ZNF512: variants seen among roughly 807,000 people sequenced by gnomAD.
The protein encoded by ZNF512 is zinc finger protein 512.
In ZNF512, 25 loss-of-function variants were observed where a neutral mutation model predicts 77.5. That is an observed-to-expected ratio of 0.32 (90% CI 0.23 to 0.45). The LOEUF (loss-of-function observed/expected upper bound fraction) is 0.45, where lower values mean the gene tolerates loss of function less well. Among genes scored for constraint, ZNF512 ranks in the 20% least tolerant of loss-of-function variants. ZNF512 has a pLI of 1.00. For synonymous variants in ZNF512, 246 were observed against 239.9 expected, an observed-to-expected ratio of 1.03 and a Z score of -0.24; for missense variants, 483 against 692.6, an observed-to-expected ratio of 0.70 and a Z score of 3.40.
rs773909926 is a variant in ZNF512, at chr2:27,585,860, G to A, written c.89+2144G>A. ...ACAACAAAGCTTTTTCTTGTTATAT[G>A]TATGGAAAGGGAAGTTTGAGCTTAA... is the stretch of plus-strand genomic sequence containing the variant. On this transcript the variant is annotated intron_variant, in intron 2 of 13. Transcript: ENST00000355467. Among the ~76,000 whole-genome samples the A allele has an allele frequency of 2.6e-5, 4 of 152,152 alleles. No homozygotes were observed. The South Asian group carries it at 8.3e-4, about 31-fold the overall frequency.
chr2:27,600,084 G>A, intron 5 of ZNF512, 31 bp downstream of exon 5: 1 of 1,604,092 alleles, frequency 6.2e-7, no homozygotes, highest in Non-Finnish European at 8.5e-7. Context: ...TTTGAGGGAT[G>A]TAGTTCTCAC....
At chr2:27,620,517 G>A (rs1370761505) in intron 13 of ZNF512, among the ~76,000 whole-genome samples, 1 of 152,120 alleles carries the variant, frequency 6.6e-6, no homozygotes, top group Non-Finnish European at 1.5e-5. Flanking sequence ...TTGAGGTACA[G>A]GGACCACTGC....
intron 2 of ZNF512, among the ~76,000 whole-genome samples, chr2:27,588,056 A>G (rs912575705): frequency 1.3e-4 from 20 of 152,042 alleles, no homozygotes; most frequent in African/African-American, 4.8e-4. Context: ...CATTAAAAAA[A>G]GTGGGTTATC....
At chr2:27,583,370 T>G in intron 1 of ZNF512, 1 of 1,365,690 alleles carries the variant, frequency 7.3e-7, no homozygotes, top group Non-Finnish European at 9.7e-7. Flanking sequence ...TTCTATTCCT[T>G]TTACATCCCC....
At chr2:27,616,502 T>C (rs4666000) in intron 12 of ZNF512, among the ~76,000 whole-genome samples, 178 bp downstream of exon 12, 43,709 of 152,048 alleles carry the variant, frequency 0.29, 6,835 homozygotes, top group East Asian at 0.49. Context: ...CCAGGGCATG[T>C]CCAAGACTTA....
intron 13 of ZNF512, among the ~76,000 whole-genome samples, chr2:27,619,104 G>C (rs1038804162): frequency 2.8e-4 from 42 of 152,174 alleles, no homozygotes; most frequent in Non-Finnish European, 4.6e-4. Context: ...TTTTGCTTTA[G>C]GAAGTATTTA....
At chr2:27,587,310 T>G (rs1402512864) in intron 2 of ZNF512, among the ~76,000 whole-genome samples, 1 of 146,604 alleles carries the variant, frequency 6.8e-6, no homozygotes, top group Non-Finnish European at 1.5e-5. Context: ...AGTGTCTCCC[T>G]CTGTCACCCA....
At chr2:27,603,959 C>T (rs189112293) in intron 9 of ZNF512, among the ~76,000 whole-genome samples, 97 of 151,746 alleles carry the variant, frequency 6.4e-4, no homozygotes, top group Non-Finnish European at 1.2e-3. Flanking sequence ...CAGACTTTCC[C>T]TCTGTTGCCC....
Position 27,615,268 on chromosome 2 carries a change from AGGT to A in ZNF512, c.1233+3_1233+5del. ...TATCATCGTATTCAGTGTCCTAACC[AGGT>A]GGTTCTTTCTCATTCATTTATTCAG... On this transcript the variant is annotated splice_donor_variant and coding_sequence_variant, in exon 11 of 14. Transcript: ENST00000355467. LOFTEE classifies it high-confidence loss of function. 6.4e-7 allele frequency: 1 copy of A among 1,574,676 alleles called. No individual in the cohort carries two copies. The highest frequency in any genetic ancestry group is 8.6e-7 in the Non-Finnish European group (1 of 1,159,520).
rs754951051 is a variant in ZNF512 at position 27,621,303 on chromosome 2, G to A, written c.1546G>A (p.Glu516Lys). The A allele has an allele frequency of 2.4e-5, 38 of 1,614,186 alleles. No homozygotes were observed. The highest frequency in any genetic ancestry group is 1.2e-4 in the Admixed American group (7 of 60,024). ...RRQQPGIELP[E>K]TELSLRVGKD... ...GCAGCAGCCTGGCATTGAGCTTCCC[G>A]AGACAGAGCTGAGTCTTAGAGTAGG... Residue 516 changes from glutamate to lysine, a missense_variant, in exon 14 of 14, where the codon GAG (glutamate) becomes AAG (lysine). Coordinates refer to ENST00000355467, the MANE Select transcript of ZNF512 (RefSeq NM_032434.4).
At chr2:27,594,955 C>T (rs1344652868) in intron 2 of ZNF512, among the ~76,000 whole-genome samples, 3 of 152,172 alleles carry the variant, frequency 2.0e-5, no homozygotes, top group Non-Finnish European at 4.4e-5. Flanking sequence ...ACGGCGAAAC[C>T]CCGTCTCCAC....
chr2:27,594,815 C>T (rs969405841), intron 2 of ZNF512, among the ~76,000 whole-genome samples: 5 of 152,132 alleles, frequency 3.3e-5, no homozygotes, highest in African/African-American at 9.7e-5. Context: ...GCCGAGATCA[C>T]GCCACTGCAC....
intron 10 of ZNF512, among the ~76,000 whole-genome samples, chr2:27,611,748 A>C (rs13405762): frequency 0.29 from 43,249 of 146,846 alleles, 7,485 homozygotes; most frequent in African/African-American, 0.49. Flanking sequence ...CCCAGGCTGG[A>C]GTGCATTGGC....
chr2:27,595,696 T>C (rs1396178408), intron 2 of ZNF512, among the ~76,000 whole-genome samples: 1 of 152,262 alleles, frequency 6.6e-6, no homozygotes, highest in Non-Finnish European at 1.5e-5. Context: ...ATTCTATTAC[T>C]GAACCTATCT....
chr2:27,602,426 A>G, intron 7 of ZNF512, 37 bp from the exon 8 acceptor site: 4 of 1,590,468 alleles, frequency 2.5e-6, no homozygotes, highest in African/African-American at 1.3e-5. Context: ...TATCTTTTCC[A>G]TGAATCATCT....
intron 5 of ZNF512, 27 bp from the exon 6 acceptor site, chr2:27,600,664 C>T: frequency 6.2e-7 from 1 of 1,605,070 alleles, no homozygotes; most frequent in African/African-American, 1.3e-5. Context: ...CTGCAGATTA[C>T]AAAGTGTTTC....
chr2:27,588,252 C>G (rs1671426472), intron 2 of ZNF512, among the ~76,000 whole-genome samples: 1 of 151,908 alleles, frequency 6.6e-6, no homozygotes, highest in African/African-American at 2.4e-5. Flanking sequence ...ACCTTTGCCT[C>G]CCTGGAGGTC....
Position 27,603,219 on chromosome 2 carries a change from A to G in ZNF512, c.848A>G (p.Glu283Gly), listed in dbSNP as rs1195458106. The change falls in exon 9 of 14, where the codon GAA becomes GGA. Residue 283 changes from glutamate to glycine, a missense_variant. Transcript: ENST00000355467. The part of the protein sequence containing the change: ...RKCGKGAAEL[E>G]KMTLKCHHCG... ...TGTGGCAAAGGGGCTGCAGAGCTGGAAAAGATGACCCTGAAATGTCACCAC... is the reference window on the plus strand; with the variant it reads ...TGTGGCAAAGGGGCTGCAGAGCTGGGAAAGATGACCCTGAAATGTCACCAC... 4 of 1,614,170 alleles carry G rather than the reference A, an allele frequency of 2.5e-6. No individual in the cohort carries two copies.
At chr2:27,588,687 T>A (rs1414373109) in intron 2 of ZNF512, among the ~76,000 whole-genome samples, 1 of 152,054 alleles carries the variant, frequency 6.6e-6, no homozygotes, top group Non-Finnish European at 1.5e-5. Context: ...AAAATTGTTT[T>A]GGTTATTCTC....
Sources: gnomAD v4.1 joint callset for allele counts (sites outside exome capture counted in the v4.1 genomes callset) on GRCh38, gnomAD v4.1.1 for gene constraint, MANE v1.5 for transcripts, NCBI Gene and HGNC (gene_info 2026-07-23, HGNC 2026-07-21) for gene names.